Variants in GRB2 observed in about 807,000 individuals in gnomAD.
GRB2 encodes growth factor receptor bound protein 2, also known as growth factor receptor-bound protein 2.
Under a neutral mutation model 27.4 loss-of-function variants are expected in GRB2, and 2 were observed. The observed-to-expected ratio is 0.07, with a 90% CI of 0.03 to 0.23. The LOEUF is 0.23. GRB2 is among the 10% of genes least tolerant of loss of function. The pLI is 1.00. For missense variants in GRB2, 102 were observed against 282.4 expected, an observed-to-expected ratio of 0.36 and a Z score of 4.58; for synonymous variants, 94 against 99.6, an observed-to-expected ratio of 0.94 and a Z score of 0.33.
intron 2 of GRB2, among the ~76,000 whole-genome samples, chr17:75,352,228 C>G (rs1445632642): frequency 1.3e-5 from 2 of 152,180 alleles, no homozygotes; most frequent in Non-Finnish European, 1.5e-5. Flanking sequence ...CAGCACAGCC[C>G]CTGCTCTTGG....
intron 2 of GRB2, among the ~76,000 whole-genome samples, chr17:75,337,218 A>G (rs1373925325): frequency 1.3e-5 from 2 of 152,240 alleles, no homozygotes; most frequent in African/African-American, 4.8e-5. Context: ...TGAACAATGC[A>G]GCTGCAACCC....
chr17:75,318,275 G>A lies in GRB2; in HGVS notation c.*2093C>T, dbSNP rs2078429813. 1 of 152,168 alleles carries A rather than the reference G, an allele frequency of 6.6e-6. No homozygotes were observed. Among genetic ancestry groups the A allele is most frequent in the African/African-American group, 2.4e-5 (1 of 41,422 alleles). The allele number at this position is 152,168 out of a possible 1,614,324, so 9.4% of individuals were successfully genotyped here. ...AAAACAATCAAATGGTCCAGGTGTA[G>A]AATGCCAGATTCCTTTTATCATCTG... On this transcript the variant is annotated 3_prime_UTR_variant, in exon 6 of 6. Coordinates refer to ENST00000316804, the MANE Select transcript of GRB2 (RefSeq NM_002086.5).
intron 2 of GRB2, among the ~76,000 whole-genome samples, chr17:75,354,743 A>AG (rs1386450467): frequency 1.3e-5 from 2 of 152,246 alleles, no homozygotes; most frequent in African/African-American, 4.8e-5. Flanking sequence ...TTCCAGAAAG[A>AG]GAACAGTGAA....
intron 2 of GRB2, among the ~76,000 whole-genome samples, chr17:75,362,419 G>A (rs759602829): frequency 2.6e-5 from 4 of 152,118 alleles, no homozygotes; most frequent in South Asian, 2.1e-4. Context: ...TCCTTTGAGG[G>A]AAAAATCAAG....
chr17:75,360,702 C>T (rs1029732033), intron 2 of GRB2, among the ~76,000 whole-genome samples: 3 of 152,242 alleles, frequency 2.0e-5, no homozygotes, highest in Non-Finnish European at 4.4e-5. Context: ...ACCTTGCTCT[C>T]TGCCCACTTG....
intron 3 of GRB2, among the ~76,000 whole-genome samples, chr17:75,327,030 C>A (rs1198699064): frequency 5.3e-5 from 8 of 150,878 alleles, no homozygotes; most frequent in Admixed American, 4.6e-4. Flanking sequence ...TTTAATGGAC[C>A]AAATAGTCCA....
intron 4 of GRB2, among the ~76,000 whole-genome samples, chr17:75,323,565 C>T (rs559149594): frequency 1.4e-4 from 21 of 152,284 alleles, no homozygotes; most frequent in African/African-American, 5.1e-4. Flanking sequence ...AGTCATGACA[C>T]CTGCTTTGCT....
Position 75,321,832 on chromosome 17 carries a change from G to A in GRB2, c.300-5C>T. On this transcript the variant is annotated splice_polypyrimidine_tract_variant and splice_region_variant and intron_variant, in intron 4 of 5. Coordinates refer to ENST00000316804, the MANE Select transcript of GRB2 (RefSeq NM_002086.5). ...TGCTGCACATCGTTTCCAAACCTGG[G>A]AGGGACAGAAAGCACATGTGACCGG... The A allele has an allele frequency of 1.9e-6, 3 of 1,613,234 alleles. No individual in the cohort carries two copies. The highest frequency in any genetic ancestry group is 1.1e-5 in the South Asian group (1 of 91,050).
intron 1 of GRB2, among the ~76,000 whole-genome samples, chr17:75,402,473 G>A (rs1362572654): frequency 1.3e-5 from 2 of 152,176 alleles, no homozygotes; most frequent in African/African-American, 4.8e-5. Context: ...CTGACTTTGT[G>A]TATACACAGA....
At chr17:75,336,640 T>C (rs1426016323) in intron 2 of GRB2, among the ~76,000 whole-genome samples, 3 of 152,172 alleles carry the variant, frequency 2.0e-5, no homozygotes, top group East Asian at 3.8e-4. Context: ...AACTTAGAAC[T>C]ATGGCTGTCT....
intron 2 of GRB2, chr17:75,344,392 A>AT (rs60255402): frequency 0.24 from 33,664 of 139,666 alleles, 4,597 homozygotes; most frequent in Middle Eastern, 0.39. Flanking sequence ...ACTGTAGCTA[A>AT]TTTTTTTTTT....
chr17:75,347,480 C>A (rs1406330707), intron 2 of GRB2, among the ~76,000 whole-genome samples: 1 of 152,152 alleles, frequency 6.6e-6, no homozygotes, highest in Non-Finnish European at 1.5e-5. Context: ...AGCATGCATG[C>A]CCCTGTTCTG....
intron 2 of GRB2, among the ~76,000 whole-genome samples, chr17:75,369,433 G>C (rs2078841424): frequency 6.6e-6 from 1 of 152,012 alleles, no homozygotes; most frequent in South Asian, 2.1e-4. Flanking sequence ...AATATAAGAA[G>C]GCATAGTCAA....
chr17:75,380,003 A>G (rs1254754255), intron 2 of GRB2, among the ~76,000 whole-genome samples: 1 of 152,248 alleles, frequency 6.6e-6, no homozygotes, highest in Non-Finnish European at 1.5e-5. Flanking sequence ...TAACTGAGAT[A>G]TAACTAGAAA....
chr17:75,392,241 G>A (rs552654332), intron 2 of GRB2, among the ~76,000 whole-genome samples: 5 of 152,268 alleles, frequency 3.3e-5, no homozygotes, highest in Non-Finnish European at 5.9e-5. Context: ...AAATGGTTCC[G>A]TCTGCTTTCT....
chr17:75,401,901 T>G (rs1299370978), intron 1 of GRB2, among the ~76,000 whole-genome samples: 1 of 152,256 alleles, frequency 6.6e-6, no homozygotes, highest in Non-Finnish European at 1.5e-5. Context: ...CCAGAGACCT[T>G]AACTAGTATT....
Position 75,320,646 on chromosome 17 carries a change from C to T in GRB2, c.469-93G>A, listed in dbSNP as rs766292649. On this transcript the variant is annotated intron_variant, in intron 5 of 5. Transcript: ENST00000316804. The surrounding 1 kb of genome is among the most constrained non-coding windows in gnomAD (Gnocchi z 4.3). The stretch of plus-strand genomic sequence containing the variant: ...GATGGGTTCCAGGGGGAAACGAATG[C>T]GTGCCAAATTCTCCATGTTTCTTAA... 8 of 858,298 alleles carry T rather than the reference C, an allele frequency of 9.3e-6. No homozygotes were observed. Among genetic ancestry groups the T allele is most frequent in the Admixed American group, 2.3e-5 (1 of 43,054 alleles). The allele number at this position is 858,298 out of a possible 1,614,324, so 53.2% of individuals were successfully genotyped here.
At position 75,321,019 on chromosome 17, in the gene GRB2, T is replaced by C. The variant is rs184835423; in HGVS notation, c.469-466A>G. On this transcript the variant is annotated intron_variant, in intron 5 of 5. Coordinates refer to ENST00000316804, the MANE Select transcript of GRB2 (RefSeq NM_002086.5). ...GGGACAGGAACGGGTGCCGACCCCA[T>C]TCCCTCACAAGCATAGTTTTCCTCA... 3.9e-5 allele frequency among the ~76,000 whole-genome samples: 6 copies of C among 152,186 alleles called. No homozygotes were observed. In the East Asian group the frequency reaches 1.2e-3, roughly 29 times the overall value.
chr17:75,367,481 C>G (rs1013941521), intron 2 of GRB2, among the ~76,000 whole-genome samples: 1 of 152,084 alleles, frequency 6.6e-6, no homozygotes, highest in Non-Finnish European at 1.5e-5. Flanking sequence ...TGGGCCGTTA[C>G]CCTCTTTTTA....
Sources: allele counts gnomAD v4.1 joint callset (sites outside exome capture counted in the v4.1 genomes callset), GRCh38; gene constraint gnomAD v4.1.1; non-coding constraint Gnocchi (gnomAD v3.1); transcripts MANE v1.5; gene names NCBI Gene and HGNC (gene_info 2026-07-23, HGNC 2026-07-21).